Variants in KCNE2 observed in about 807,000 individuals in gnomAD.
KCNE2 encodes the protein potassium voltage-gated channel subfamily E member 2.
In KCNE2, 4 loss-of-function variants were observed where a neutral mutation model predicts 4.5. The observed-to-expected ratio is 0.89, with a 90% CI of 0.44 to 2.03. The LOEUF (loss-of-function observed/expected upper bound fraction) is 2.03, where lower values mean the gene tolerates loss of function less well. Ranked by LOEUF, KCNE2 falls within the 30% of genes most tolerant of loss-of-function variation. KCNE2 has a pLI of 0.03. For missense variants in KCNE2, 137 were observed against 151.4 expected, an observed-to-expected ratio of 0.90 and a Z score of 0.50; for synonymous variants, 57 against 55.9, an observed-to-expected ratio of 1.02 and a Z score of -0.09.
rs1488357911 is a variant in KCNE2 at position 34,371,345 on chromosome 21, T to C, written c.*495T>C. The C allele has an allele frequency of 1.0e-5, 2 of 195,690 alleles. No homozygotes were observed. Among genetic ancestry groups the C allele is most frequent in the African/African-American group, 4.7e-5 (2 of 42,120 alleles). 12.1% of individuals were successfully genotyped at this position (195,690 alleles called of 1,614,324 possible). A position where few individuals can be genotyped will look rare whatever the true frequency, so the allele number is the denominator to read the frequency against. ...TTTATCTGTAATATTAATTCATGAG[T>C]GTGGAGTCTGAAGAGATGAATAAAC... On this transcript the variant is annotated 3_prime_UTR_variant, in exon 2 of 2. Transcript: ENST00000290310.
chr21:34,366,928 G>A (rs186793081), intron 1 of KCNE2, among the ~76,000 whole-genome samples: 91 of 124,176 alleles, frequency 7.3e-4, no homozygotes, highest in East Asian at 1.9e-3. Flanking sequence ...GCAGTAAGCC[G>A]AGATCGCGCC....
chr21:34,365,807 A>C (rs1489344455), intron 1 of KCNE2, among the ~76,000 whole-genome samples: 5 of 152,244 alleles, frequency 3.3e-5, no homozygotes, highest in African/African-American at 1.2e-4. Flanking sequence ...TATAATTGGA[A>C]TGTCTTAGCA....
intron 1 of KCNE2, among the ~76,000 whole-genome samples, chr21:34,367,929 T>C (rs1159237404): frequency 6.6e-6 from 1 of 152,006 alleles, no homozygotes; most frequent in African/African-American, 2.4e-5. Context: ...AGCTCCATTT[T>C]CTGAGCCCCC....
rs751891377 is a variant in KCNE2, at chr21:34,370,786, T to C, written c.308T>C (p.Leu103Pro). The C allele has an allele frequency of 6.2e-7, 1 of 1,614,204 alleles. No homozygotes were observed. The change falls in exon 2 of 2, where the codon CTA (leucine) becomes CCA (proline). Residue 103 changes from leucine (L) to proline (P), a missense_variant. Coordinates refer to ENST00000290310, the MANE Select transcript of KCNE2 (RefSeq NM_172201.2). ...QEKYKSQILN[L>P]EESKATIHEN... ...AAGTACAAGAGCCAAATCTTGAATC[T>C]AGAAGAATCGAAGGCCACCATCCAT...
At chr21:34,365,331 T>C (rs1467664559) in intron 1 of KCNE2, among the ~76,000 whole-genome samples, 1 of 152,210 alleles carries the variant, frequency 6.6e-6, no homozygotes, top group African/African-American at 2.4e-5. Context: ...TTCATATAAT[T>C]CCAGAGAACA....
chr21:34,367,370 A>G (rs1183683854), intron 1 of KCNE2, among the ~76,000 whole-genome samples: 1 of 152,190 alleles, frequency 6.6e-6, no homozygotes, highest in Non-Finnish European at 1.5e-5. Flanking sequence ...GAGTGGATTA[A>G]AGCCAGCTCA....
chr21:34,366,787 G>A (rs898917248), intron 1 of KCNE2, among the ~76,000 whole-genome samples: 37 of 151,638 alleles, frequency 2.4e-4, no homozygotes, highest in African/African-American at 8.5e-4. Flanking sequence ...AGACCATCCT[G>A]GCTAACATGG....
chr21:34,371,289 A>C lies in KCNE2; in HGVS notation c.*439A>C, dbSNP rs1979579488. The C allele has an allele frequency of 4.3e-6, 1 of 234,866 alleles. No homozygotes were observed. Among genetic ancestry groups the C allele is most frequent in the African/African-American group, 2.3e-5 (1 of 43,212 alleles). The allele number at this position is 234,866 out of a possible 1,614,324, so 14.5% of individuals were successfully genotyped here. On this transcript the variant is annotated 3_prime_UTR_variant, in exon 2 of 2. Transcript: ENST00000290310. ...ATGTAGAAGCTGAGGCTCAAAAGCTATCACTTGCTTACCAGACGGACATAG... is the reference window on the plus strand; with the variant it reads ...ATGTAGAAGCTGAGGCTCAAAAGCTCTCACTTGCTTACCAGACGGACATAG...
intron 1 of KCNE2, among the ~76,000 whole-genome samples, chr21:34,368,248 A>C (rs1318747049): frequency 3.9e-5 from 4 of 102,666 alleles, no homozygotes; most frequent in African/African-American, 1.9e-4. Context: ...ATATATATAT[A>C]TATATATATA....
At chr21:34,368,637 T>A (rs1979449081) in intron 1 of KCNE2, among the ~76,000 whole-genome samples, 1 of 152,112 alleles carries the variant, frequency 6.6e-6, no homozygotes, top group Admixed American at 6.5e-5. Context: ...ATCGTTTGCC[T>A]TGATGTTATG....
intron 1 of KCNE2, among the ~76,000 whole-genome samples, chr21:34,369,771 C>G (rs1231348294): frequency 1.3e-5 from 2 of 152,178 alleles, no homozygotes; most frequent in African/African-American, 2.4e-5. Flanking sequence ...CATCACTTAC[C>G]TAAAATGCTT....
chr21:34,368,716 C>T (rs1429149527), intron 1 of KCNE2, among the ~76,000 whole-genome samples: 1 of 152,128 alleles, frequency 6.6e-6, no homozygotes, highest in Non-Finnish European at 1.5e-5. Flanking sequence ...TCTCTGAAAA[C>T]AGAATATAAA....
intron 1 of KCNE2, among the ~76,000 whole-genome samples, chr21:34,365,789 A>T (rs1263753444): frequency 6.6e-6 from 1 of 152,244 alleles, no homozygotes; most frequent in Non-Finnish European, 1.5e-5. Flanking sequence ...AATTGAAATC[A>T]ACCCACTTAT....
chr21:34,366,144 T>C (rs1979281972), intron 1 of KCNE2, among the ~76,000 whole-genome samples: 2 of 152,286 alleles, frequency 1.3e-5, no homozygotes, highest in South Asian at 2.1e-4. Flanking sequence ...CTGCCATGCC[T>C]GCACCTGGAA....
chr21:34,369,578 T>C (rs1338986812), intron 1 of KCNE2, among the ~76,000 whole-genome samples: 1 of 151,970 alleles, frequency 6.6e-6, no homozygotes, highest in Non-Finnish European at 1.5e-5. Context: ...CATTGATGGC[T>C]ATTCAAGGCA....
Position 34,368,232 on chromosome 21 carries a change from A to C in KCNE2, c.-12-2235A>C, listed in dbSNP as rs1391468314. The stretch of plus-strand genomic sequence containing the variant: ...ACACACACACACACACACACACAAT[A>C]TATATATATATATATATATATATAT... On this transcript the variant is annotated intron_variant, in intron 1 of 1. Coordinates refer to ENST00000290310, the MANE Select transcript of KCNE2 (RefSeq NM_172201.2). Among the ~76,000 whole-genome samples the C allele has an allele frequency of 2.6e-3, 95 of 36,482 alleles. 1 individual carries two copies. The highest frequency in any genetic ancestry group is 5.6e-3 in the Non-Finnish European group (81 of 14,358). 23.9% of individuals were successfully genotyped at this position (36,482 alleles called of 152,430 possible).
intron 1 of KCNE2, among the ~76,000 whole-genome samples, chr21:34,369,266 T>C (rs1222984848): frequency 6.6e-6 from 1 of 152,144 alleles, no homozygotes; most frequent in Non-Finnish European, 1.5e-5. Context: ...AAAAGGCACA[T>C]TGGCTGTGCA....
chr21:34,366,071 A>G (rs1287568149), intron 1 of KCNE2, among the ~76,000 whole-genome samples: 1 of 152,166 alleles, frequency 6.6e-6, no homozygotes, highest in Non-Finnish European at 1.5e-5. Context: ...CTTTGTTCAC[A>G]TTAGAAGGGT....
chr21:34,366,582 A>G lies in KCNE2; in HGVS notation c.-13+2431A>G, dbSNP rs565689729. On this transcript the variant is annotated intron_variant, in intron 1 of 1. Coordinates refer to ENST00000290310, the MANE Select transcript of KCNE2 (RefSeq NM_172201.2). The stretch of plus-strand genomic sequence containing the variant: ...TTCCGGGGGCTCAAGCTCTCCTGTC[A>G]TCGGGACTCAGTTACTGAATCTCAC... Among the ~76,000 whole-genome samples, 11 of 152,272 alleles carry G rather than the reference A, an allele frequency of 7.2e-5. No individual in the cohort carries two copies. The South Asian group carries it at 8.3e-4, about 11-fold the overall frequency.
Sources: gnomAD v4.1 joint callset for allele counts (sites outside exome capture counted in the v4.1 genomes callset) on GRCh38, gnomAD v4.1.1 for gene constraint, MANE v1.5 for transcripts, NCBI Gene and HGNC (gene_info 2026-07-23, HGNC 2026-07-21) for gene names.